The following LRFN5 variants were observed in gnomAD, a reference collection of about 807,000 sequenced individuals.
LRFN5 encodes the protein leucine-rich repeat and fibronectin type-III domain-containing protein 5.
In LRFN5, 24 loss-of-function variants were observed where a neutral mutation model predicts 45.6. The observed-to-expected ratio is 0.53, with a 90% CI of 0.38 to 0.74. LRFN5 has a LOEUF of 0.74. LRFN5 is among the 30% of genes least tolerant of loss of function. The pLI is 0.00. For synonymous variants in LRFN5, 340 were observed against 313.8 expected (o/e 1.08, Z -0.88); for missense variants, 776 against 861.5 (o/e 0.90, Z 1.24).
chr14:41,864,956 C>T (rs1350422053), intron 2 of LRFN5, among the ~76,000 whole-genome samples: 1 of 151,960 alleles, frequency 6.6e-6, no homozygotes, highest in Admixed American at 6.6e-5. Context: ...TAGTTAATTA[C>T]TTTGCCACTT....
chr14:41,733,494 C>T (rs1203898831), intron 1 of LRFN5: 2 of 151,754 alleles, frequency 1.3e-5, no homozygotes, highest in African/African-American at 4.8e-5. Flanking sequence ...AAAAGAATCC[C>T]AGATAAAGAA....
At chr14:41,764,601 T>G (rs933745590) in intron 1 of LRFN5, among the ~76,000 whole-genome samples, 1 of 152,062 alleles carries the variant, frequency 6.6e-6, no homozygotes, top group Non-Finnish European at 1.5e-5. Context: ...GATGATATTT[T>G]GAGGCCTTTA....
chr14:41,843,086 CTTTTT>C (rs539151256), intron 2 of LRFN5, among the ~76,000 whole-genome samples: 1 of 118,310 alleles, frequency 8.5e-6, no homozygotes, highest in South Asian at 2.7e-4. Flanking sequence ...TTTGTCTTTT[CTTTTT>C]TTTTTTTTTT....
At chr14:41,687,568 C>A (rs1279309640) in intron 1 of LRFN5, among the ~76,000 whole-genome samples, 1 of 152,018 alleles carries the variant, frequency 6.6e-6, no homozygotes, top group African/African-American at 2.4e-5. Context: ...TTTACAATAG[C>A]GAAGATATGG....
intron 2 of LRFN5, among the ~76,000 whole-genome samples, chr14:41,778,926 T>C (rs562572177): frequency 7.9e-5 from 12 of 151,960 alleles, no homozygotes; most frequent in African/African-American, 2.9e-4. Flanking sequence ...GGATTTTCTA[T>C]GTAGACAGAC....
At chr14:41,767,556 A>G (rs958731784) in intron 2 of LRFN5, among the ~76,000 whole-genome samples, 1 of 152,204 alleles carries the variant, frequency 6.6e-6, no homozygotes, top group Non-Finnish European at 1.5e-5. Context: ...ATTGAATGAT[A>G]CGTTATCTGG....
chr14:41,670,218 T>G (rs1205923627), intron 1 of LRFN5, among the ~76,000 whole-genome samples: 3 of 130,424 alleles, frequency 2.3e-5, no homozygotes, highest in African/African-American at 6.1e-5. Flanking sequence ...TGTGTGTGTA[T>G]ATATATGTAT....
At chr14:41,720,954 T>C (rs1298860355) in intron 1 of LRFN5, among the ~76,000 whole-genome samples, 1 of 152,098 alleles carries the variant, frequency 6.6e-6, no homozygotes, top group African/African-American at 2.4e-5. Context: ...TCAGCATCAA[T>C]GGTCTATCTA....
intron 2 of LRFN5, among the ~76,000 whole-genome samples, chr14:41,781,236 C>T (rs957952432): frequency 9.2e-5 from 14 of 152,096 alleles, no homozygotes; most frequent in Admixed American, 7.2e-4. Context: ...TTCCTTAGTT[C>T]TAAGGCCAAG....
intron 2 of LRFN5, among the ~76,000 whole-genome samples, chr14:41,833,987 G>T (rs1888574044): frequency 2.0e-5 from 3 of 152,298 alleles, no homozygotes; most frequent in Middle Eastern, 6.8e-3. Context: ...TGTTTTGAAT[G>T]AGTTTATAAA....
chr14:41,742,541 T>A (rs1490343824), intron 1 of LRFN5: 1 of 152,306 alleles, frequency 6.6e-6, no homozygotes, highest in African/African-American at 2.4e-5. Context: ...GCTGCACTTC[T>A]TTCATCTCTG....
chr14:41,783,380 G>C lies in LRFN5; in HGVS notation c.-21+16351G>C, dbSNP rs1594705505. Among the ~76,000 whole-genome samples, 3 of 152,180 alleles carry C rather than the reference G, an allele frequency of 2.0e-5. No homozygotes were observed. In the Middle Eastern group the frequency reaches 0.01, roughly 518 times the overall value. On this transcript the variant is annotated intron_variant, in intron 2 of 5. Coordinates refer to ENST00000298119, the MANE Select transcript of LRFN5 (RefSeq NM_152447.5). ...TCTGTATCTCTCTGGATGTGCCTGA[G>C]TCTCCAGATTTCATTGTGGCAGTTT...
chr14:41,703,454 CTATT>C (rs562769130), intron 1 of LRFN5, among the ~76,000 whole-genome samples: 70 of 148,932 alleles, frequency 4.7e-4, no homozygotes, highest in Admixed American at 1.5e-3. Context: ...TCCATTCTGA[CTATT>C]TAATCAGTTT....
intron 1 of LRFN5, among the ~76,000 whole-genome samples, chr14:41,677,144 A>G (rs983049832): frequency 2.0e-5 from 3 of 152,052 alleles, no homozygotes; most frequent in East Asian, 1.9e-4. Flanking sequence ...AAACAAGGGG[A>G]AAAAAAATCT....
At chr14:41,645,308 C>G (rs1289597987) in intron 1 of LRFN5, among the ~76,000 whole-genome samples, 4 of 152,098 alleles carry the variant, frequency 2.6e-5, no homozygotes, top group African/African-American at 7.2e-5. Flanking sequence ...AATCTCTGCT[C>G]ACTGCAACCT....
chr14:41,674,600 G>T (rs1484108080), intron 1 of LRFN5, among the ~76,000 whole-genome samples: 1 of 146,858 alleles, frequency 6.8e-6, no homozygotes, highest in Non-Finnish European at 1.5e-5. Flanking sequence ...GCCGGGCAGG[G>T]GGCTGACCCC....
At chr14:41,850,156 A>G (rs1214774458) in intron 2 of LRFN5, among the ~76,000 whole-genome samples, 1 of 151,982 alleles carries the variant, frequency 6.6e-6, no homozygotes, top group Non-Finnish European at 1.5e-5. Flanking sequence ...ATGTACATGT[A>G]TACTACTTGG....
At chr14:41,735,741 G>A (rs974818217) in intron 1 of LRFN5, among the ~76,000 whole-genome samples, 24 of 151,954 alleles carry the variant, frequency 1.6e-4, no homozygotes, top group African/African-American at 5.8e-4. Context: ...TTCTCCTAAT[G>A]CTATCCCTCG....
intron 1 of LRFN5, among the ~76,000 whole-genome samples, chr14:41,670,184 CTATA>C (rs773476624): frequency 2.3e-5 from 3 of 127,912 alleles, no homozygotes; most frequent in Non-Finnish European, 4.9e-5. Flanking sequence ...TACACATTCT[CTATA>C]TATATATACA....
Sources: gnomAD v4.1 joint callset for allele counts (sites outside exome capture counted in the v4.1 genomes callset) on GRCh38, gnomAD v4.1.1 for gene constraint, MANE v1.5 for transcripts, NCBI Gene and HGNC (gene_info 2026-07-23, HGNC 2026-07-21) for gene names.